Variants in ARMC2 observed in about 807,000 individuals in gnomAD.
The protein encoded by ARMC2 is armadillo repeat-containing protein 2.
Under a neutral mutation model 90.3 loss-of-function variants are expected in ARMC2, and 67 were observed. The observed-to-expected ratio is 0.74, with a 90% CI of 0.61 to 0.91. The LOEUF (loss-of-function observed/expected upper bound fraction) is 0.91, where lower values mean the gene tolerates loss of function less well. ARMC2 is among the 40% of genes least tolerant of loss of function. ARMC2 has a pLI of 0.00. For missense variants in ARMC2, 920 were observed against 1,030.9 expected (o/e 0.89, Z 1.47); for synonymous variants, 393 against 393.0 (o/e 1.00, Z 0.00).
the ARMC2 span, among the ~76,000 whole-genome samples, chr6:109,041,777 A>G: frequency 6.6e-6 from 1 of 152,188 alleles, no homozygotes; most frequent in African/African-American, 2.4e-5. Flanking sequence ...TCCTCTCTCA[A>G]CAATTGCTAG....
At chr6:108,930,963 A>G (rs1271292914) in intron 11 of ARMC2, among the ~76,000 whole-genome samples, 1 of 148,106 alleles carries the variant, frequency 6.8e-6, no homozygotes, top group Non-Finnish European at 1.5e-5. Flanking sequence ...TTTGTTACAT[A>G]GGTAAACTCA....
Position 108,894,491 on chromosome 6 carries a change from G to A in ARMC2, c.696G>A (p.Arg232=). The A allele has an allele frequency of 6.2e-7, 1 of 1,611,314 alleles. No individual in the cohort carries two copies. Among genetic ancestry groups the A allele is most frequent in the South Asian group, 1.1e-5 (1 of 90,868 alleles). ...GGGACCAGGGGAAGAGACATGCGAG[G>A]GCCTCATCATGCCCCAGTAGCTCAG... The part of the protein sequence containing the change: ...NGGDQGKRHA[R]ASSCPSSSDL... Residue 232 remains arginine, a synonymous_variant, in exon 6 of 18, where the codon AGG becomes AGA. Transcript: ENST00000392644.
chr6:109,032,310 G>A, the ARMC2 span, among the ~76,000 whole-genome samples: 2 of 151,868 alleles, frequency 1.3e-5, no homozygotes, highest in Non-Finnish European at 2.9e-5. Flanking sequence ...CAGATGAGGC[G>A]TGCTCCCCCT....
the ARMC2 span, chr6:109,000,653 G>A: frequency 6.3e-7 from 1 of 1,599,126 alleles, no homozygotes; most frequent in Non-Finnish European, 8.5e-7. Context: ...CTAAGTAGGA[G>A]CACTGATGTC....
chr6:108,958,303 G>A lies in ARMC2; in HGVS notation c.1916-3269G>A, dbSNP rs910129282. ...AGTTTATGGTATTTTATTATGACAG[G>A]CCAAGGTGACTGAGACAGATGCACC... On this transcript the variant is annotated intron_variant, in intron 13 of 17. Coordinates refer to ENST00000392644, the MANE Select transcript of ARMC2 (RefSeq NM_032131.6). Among the ~76,000 whole-genome samples, 3 of 152,260 alleles carry A rather than the reference G, an allele frequency of 2.0e-5. No individual in the cohort carries two copies. The East Asian group carries it at 5.8e-4, about 29-fold the overall frequency.
At chr6:109,025,095 G>A in the ARMC2 span, among the ~76,000 whole-genome samples, 1 of 152,026 alleles carries the variant, frequency 6.6e-6, no homozygotes, top group Non-Finnish European at 1.5e-5. Context: ...AAATTGGGAG[G>A]TAGATCAGAG....
At chr6:108,940,325 A>G (rs997208784) in intron 12 of ARMC2, among the ~76,000 whole-genome samples, 2 of 152,132 alleles carry the variant, frequency 1.3e-5, no homozygotes, top group African/African-American at 4.8e-5. Context: ...TAATAGGCAA[A>G]AGAGAGAGGA....
the ARMC2 span, among the ~76,000 whole-genome samples, chr6:109,046,125 G>A: frequency 3.2e-4 from 47 of 145,812 alleles, no homozygotes; most frequent in Admixed American, 2.1e-3. Flanking sequence ...CTCTCCCCAC[G>A]GTCTCCCTCT....
chr6:108,905,208 G>T (rs1319697202), intron 8 of ARMC2, among the ~76,000 whole-genome samples: 2 of 152,186 alleles, frequency 1.3e-5, no homozygotes, highest in Admixed American at 1.3e-4. Flanking sequence ...ACAGTACACA[G>T]TGAAGGTAAG....
intron 3 of ARMC2, 34 bp from the exon 4 acceptor site, chr6:108,868,790 G>A: frequency 1.2e-6 from 2 of 1,605,628 alleles, no homozygotes; most frequent in Non-Finnish European, 1.7e-6. Context: ...GACGCAGAAA[G>A]TCATTCCAGT....
At chr6:108,881,171 CT>C (rs905229179) in intron 5 of ARMC2, among the ~76,000 whole-genome samples, 27 of 148,080 alleles carry the variant, frequency 1.8e-4, no homozygotes, top group South Asian at 4.3e-4. Flanking sequence ...TTTTCTTTTT[CT>C]TTTTTTTTTC....
intron 10 of ARMC2, among the ~76,000 whole-genome samples, chr6:108,914,737 A>T (rs1320416568): frequency 6.6e-6 from 1 of 152,138 alleles, no homozygotes; most frequent in Non-Finnish European, 1.5e-5. Flanking sequence ...TTTAATGAAA[A>T]CAAAAGCTGT....
At chr6:108,929,637 G>A (rs986612256) in intron 11 of ARMC2, among the ~76,000 whole-genome samples, 11 of 152,004 alleles carry the variant, frequency 7.2e-5, no homozygotes, top group African/African-American at 2.4e-4. Flanking sequence ...ACGCCAACAT[G>A]CTCAGCTAAT....
At chr6:108,852,301 A>C (rs1041863061) in intron 1 of ARMC2, among the ~76,000 whole-genome samples, 1 of 152,246 alleles carries the variant, frequency 6.6e-6, no homozygotes, top group African/African-American at 2.4e-5. Context: ...ATATATGATC[A>C]TAACATTGTG....
the ARMC2 span, among the ~76,000 whole-genome samples, chr6:108,996,957 TG>T: frequency 2.0e-5 from 3 of 152,196 alleles, no homozygotes; most frequent in East Asian, 5.8e-4. Flanking sequence ...ACGTACTGTA[TG>T]ATTCCAACTA....
chr6:108,925,865 G>C (rs1239154419), intron 10 of ARMC2, among the ~76,000 whole-genome samples: 1 of 152,122 alleles, frequency 6.6e-6, no homozygotes, highest in Non-Finnish European at 1.5e-5. Context: ...CAGTAAATGG[G>C]TAGGAATTTC....
the ARMC2 span, among the ~76,000 whole-genome samples, chr6:109,031,158 G>C: frequency 5.3e-5 from 8 of 152,210 alleles, no homozygotes; most frequent in Non-Finnish European, 1.0e-4. Flanking sequence ...ATGAACTCAA[G>C]AGACAGTTAA....
At chr6:108,894,280 C>T (rs1771378019) in intron 5 of ARMC2, among the ~76,000 whole-genome samples, 187 bp from the exon 6 acceptor site, 1 of 152,194 alleles carries the variant, frequency 6.6e-6, no homozygotes, top group Non-Finnish European at 1.5e-5. Flanking sequence ...GTGGGAGGCT[C>T]ACTTGTGCCA....
Position 108,904,348 on chromosome 6 carries a change from A to G in ARMC2, c.966A>G (p.Lys322=), listed in dbSNP as rs1468039367. 1 of 1,613,262 alleles carries G rather than the reference A, an allele frequency of 6.2e-7. No individual in the cohort carries two copies. Among genetic ancestry groups the G allele is most frequent in the South Asian group, 1.1e-5 (1 of 90,964 alleles). ...GRSILLKTLC[K]LVDVGSDSLS... is the part of the protein sequence containing the mutation. ...GTATTCTCCTGAAGACCCTGTGTAA[A>G]CTAGTTGATGTTGGTTCAGACTCGC... is the stretch of plus-strand genomic sequence containing the variant. Residue 322 remains lysine, a synonymous_variant, in exon 8 of 18, where the codon AAA becomes AAG. Transcript: ENST00000392644.
Sources: gnomAD v4.1 joint callset for allele counts (sites outside exome capture counted in the v4.1 genomes callset) on GRCh38, gnomAD v4.1.1 for gene constraint, MANE v1.5 for transcripts, NCBI Gene and HGNC (gene_info 2026-07-23, HGNC 2026-07-21) for gene names.